Variants in BNC2 observed in about 807,000 individuals in gnomAD.
The protein encoded by BNC2 is basonuclin zinc finger protein 2.
BNC2 carries 20 observed loss-of-function variants against 76.3 expected under a neutral mutation model. The ratio of observed to expected loss-of-function variants is 0.26; its 90% CI spans 0.18 to 0.38. The LOEUF is 0.38. Among genes scored for constraint, BNC2 ranks in the 10% least tolerant of loss-of-function variants. The pLI, the probability that BNC2 is intolerant of heterozygous loss-of-function variation, is 1.00. For missense variants in BNC2, 1,382 were observed against 1,399.8 expected, an observed-to-expected ratio of 0.99 and a Z score of 0.20; for synonymous variants, 582 against 514.8, an observed-to-expected ratio of 1.13 and a Z score of -1.77.
intron 3 of BNC2, among the ~76,000 whole-genome samples, chr9:16,648,007 A>G (rs1451196119): frequency 6.6e-6 from 1 of 152,230 alleles, no homozygotes; most frequent in Non-Finnish European, 1.5e-5. Context: ...CAATCACTGT[A>G]AAGTATCTCT....
intron 3 of BNC2, among the ~76,000 whole-genome samples, chr9:16,653,282 G>T (rs1393836306): frequency 6.6e-6 from 1 of 152,048 alleles, no homozygotes; most frequent in African/African-American, 2.4e-5. Flanking sequence ...CAAAGCTTTT[G>T]AAATAGAGAA....
intron 1 of BNC2, among the ~76,000 whole-genome samples, chr9:16,841,853 A>C (rs1377898998): frequency 6.7e-6 from 1 of 149,196 alleles, no homozygotes; most frequent in Non-Finnish European, 1.5e-5. Flanking sequence ...CTTGTTGCCC[A>C]GGCTGGAGTG....
chr9:16,566,782 A>G (rs1819182141), intron 4 of BNC2, among the ~76,000 whole-genome samples: 2 of 152,240 alleles, frequency 1.3e-5, no homozygotes. Flanking sequence ...ATAGTCACAC[A>G]GTAAGACTGT....
chr9:16,473,804 C>T (rs976932360), intron 5 of BNC2, among the ~76,000 whole-genome samples: 4 of 152,076 alleles, frequency 2.6e-5, no homozygotes, highest in African/African-American at 7.2e-5. Flanking sequence ...ACCCAGGAGG[C>T]GGAGGTTGCA....
chr9:16,683,271 A>C (rs998322359), intron 3 of BNC2, among the ~76,000 whole-genome samples: 4 of 152,232 alleles, frequency 2.6e-5, no homozygotes, highest in African/African-American at 4.8e-5. Context: ...AAAAGGAAGA[A>C]GGCAAAGAGC....
chr9:16,429,201 G>A (rs1426372278), intron 6 of BNC2: 1 of 152,136 alleles, frequency 6.6e-6, no homozygotes, highest in African/African-American at 2.4e-5. Flanking sequence ...ATGGCATTTA[G>A]GCAAAGAAGG....
chr9:16,761,005 G>A (rs188030460), intron 1 of BNC2, among the ~76,000 whole-genome samples: 71 of 152,248 alleles, frequency 4.7e-4, no homozygotes, highest in Admixed American at 1.1e-3. Context: ...CTCTTTGGGA[G>A]GCTAAGGCAG....
chr9:16,460,981 C>A (rs1821567323), intron 5 of BNC2, among the ~76,000 whole-genome samples: 2 of 150,796 alleles, frequency 1.3e-5, no homozygotes, highest in Non-Finnish European at 3.0e-5. Flanking sequence ...ACTTGATCTA[C>A]CAAGACGGCA....
intron 5 of BNC2, among the ~76,000 whole-genome samples, chr9:16,504,115 G>C (rs1276868071): frequency 6.6e-6 from 1 of 151,848 alleles, no homozygotes; most frequent in Non-Finnish European, 1.5e-5. Flanking sequence ...CTTAGCAACA[G>C]CACCCATTTA....
chr9:16,832,714 G>A (rs923459886), intron 1 of BNC2, among the ~76,000 whole-genome samples: 1 of 151,758 alleles, frequency 6.6e-6, no homozygotes, highest in Non-Finnish European at 1.5e-5. Context: ...AAAAGTCCCT[G>A]AATCCAAATT....
intron 4 of BNC2, among the ~76,000 whole-genome samples, chr9:16,567,640 G>C (rs1003750144): frequency 3.3e-5 from 5 of 152,066 alleles, no homozygotes; most frequent in East Asian, 1.9e-4. Flanking sequence ...GTATAAAAGT[G>C]CTTTTCACTG....
At chr9:16,850,273 AAAT>A (rs1434547804) in intron 1 of BNC2, among the ~76,000 whole-genome samples, 14 of 152,246 alleles carry the variant, frequency 9.2e-5, no homozygotes, top group African/African-American at 3.4e-4. Flanking sequence ...AAGGGCTACA[AAAT>A]AATAACACAC....
intron 5 of BNC2, among the ~76,000 whole-genome samples, chr9:16,453,853 A>C (rs1173648455): frequency 6.6e-6 from 1 of 152,208 alleles, no homozygotes; most frequent in Non-Finnish European, 1.5e-5. Flanking sequence ...CATTTGCTAA[A>C]TGATTTAAGC....
intron 1 of BNC2, among the ~76,000 whole-genome samples, chr9:16,866,004 A>C (rs1819535346): frequency 1.3e-5 from 2 of 152,302 alleles, no homozygotes; most frequent in African/African-American, 4.8e-5. Context: ...ACTGTGCAAA[A>C]GATTTTAAGA....
chr9:16,760,449 G>A (rs751209061), intron 1 of BNC2, among the ~76,000 whole-genome samples: 13 of 152,178 alleles, frequency 8.5e-5, no homozygotes, highest in Non-Finnish European at 1.3e-4. Flanking sequence ...TTCTTAGGAT[G>A]TAATGAGGGC....
intron 5 of BNC2, among the ~76,000 whole-genome samples, chr9:16,489,259 C>G (rs1822224965): frequency 6.6e-6 from 1 of 152,110 alleles, no homozygotes; most frequent in Non-Finnish European, 1.5e-5. Context: ...TACTGCACAT[C>G]TCAATTTGGT....
At chr9:16,807,927 A>G (rs560157221) in intron 1 of BNC2, among the ~76,000 whole-genome samples, 1 of 152,336 alleles carries the variant, frequency 6.6e-6, no homozygotes, top group Non-Finnish European at 1.5e-5. Context: ...ATAAAAGAAC[A>G]TAGGCAAATC....
At chr9:16,493,744 G>C (rs1449132199) in intron 5 of BNC2, among the ~76,000 whole-genome samples, 1 of 152,336 alleles carries the variant, frequency 6.6e-6, no homozygotes, top group East Asian at 1.9e-4. Flanking sequence ...TTGCACAGCA[G>C]GGGGCTAAGG....
chr9:16,617,421 C>G (rs1820737793), intron 3 of BNC2, among the ~76,000 whole-genome samples: 1 of 151,772 alleles, frequency 6.6e-6, no homozygotes, highest in Non-Finnish European at 1.5e-5. Context: ...TGAAAATGGC[C>G]CTATTTTTAG....
Sources: gnomAD v4.1 joint callset for allele counts (sites outside exome capture counted in the v4.1 genomes callset) on GRCh38, gnomAD v4.1.1 for gene constraint, MANE v1.5 for transcripts, NCBI Gene and HGNC (gene_info 2026-07-23, HGNC 2026-07-21) for gene names.